Variants in NBEAL1 observed in about 807,000 individuals in gnomAD.
NBEAL1 encodes the protein neurobeachin like 1, also known as neurobeachin-like protein 1.
In NBEAL1, 273 loss-of-function variants were observed where a neutral mutation model predicts 351.3. The observed-to-expected ratio is 0.78, with a 90% CI of 0.70 to 0.86. The LOEUF is 0.86. Ranked by LOEUF, NBEAL1 falls within the 40% of genes least tolerant of loss-of-function variation. The pLI is 0.00. For missense variants in NBEAL1, 2,961 were observed against 3,201.3 expected, an observed-to-expected ratio of 0.92 and a Z score of 1.81; for synonymous variants, 1,050 against 1,086.4, an observed-to-expected ratio of 0.97 and a Z score of 0.66.
At chr2:203,079,655 C>G (rs963734228) in intron 8 of NBEAL1, among the ~76,000 whole-genome samples, 3 of 151,840 alleles carry the variant, frequency 2.0e-5, no homozygotes, top group African/African-American at 7.3e-5. Context: ...ATTGTTGTAC[C>G]AAATTACATA....
chr2:203,178,742 A>G (rs1352362040), intron 42 of NBEAL1, among the ~76,000 whole-genome samples: 1 of 152,240 alleles, frequency 6.6e-6, no homozygotes, highest in Admixed American at 6.5e-5. Context: ...AAATAGGCAT[A>G]GAGATATAAG....
intron 51 of NBEAL1, 50 bp downstream of exon 51, chr2:203,202,831 G>T (rs777311605): frequency 9.9e-7 from 1 of 1,005,310 alleles, no homozygotes; most frequent in East Asian, 2.4e-5. Context: ...TTCACCCTGA[G>T]AATACTAGCA....
At position 203,097,574 on chromosome 2, in the gene NBEAL1, G is replaced by T. The variant is rs1413394942; in HGVS notation, c.1126G>T (p.Ala376Ser). ...KLFLNANNKV[A>S]DKNEKDLANK... is the part of the protein sequence containing the mutation. ...ATTTTTAAATGCTAACAATAAGGTG[G>T]CAGACAAGAACGAGAAAGACCTTGC... The change falls in exon 11 of 56, where the codon GCA becomes TCA. Residue 376 changes from alanine (A) to serine (S), a missense_variant. Transcript: ENST00000683969. 3.2e-5 allele frequency: 32 copies of T among 985,314 alleles called. No homozygotes were observed. Among genetic ancestry groups the T allele is most frequent in the Non-Finnish European group, 3.9e-5 (32 of 829,662 alleles). The allele number at this position is 985,314 out of a possible 1,614,324, so 61.0% of individuals were successfully genotyped here.
At chr2:203,208,612 C>A in intron 51 of NBEAL1, 25 bp from the exon 52 acceptor site, 1 of 1,532,340 alleles carries the variant, frequency 6.5e-7, no homozygotes, top group East Asian at 2.3e-5. Flanking sequence ...CCACCTTTAC[C>A]TTTGCTTTTC....
chr2:203,115,238 C>G (rs1453449693), intron 17 of NBEAL1, among the ~76,000 whole-genome samples: 1 of 151,564 alleles, frequency 6.6e-6, no homozygotes, highest in Non-Finnish European at 1.5e-5. Flanking sequence ...AGCGATTCTC[C>G]ACCTTCCGAG....
chr2:203,093,692 A>G (rs2062117363), intron 10 of NBEAL1, among the ~76,000 whole-genome samples: 1 of 152,106 alleles, frequency 6.6e-6, no homozygotes, highest in Non-Finnish European at 1.5e-5. Flanking sequence ...CGTCTCTACT[A>G]AAAATACAAA....
At chr2:203,053,453 T>C (rs902121586) in intron 4 of NBEAL1, among the ~76,000 whole-genome samples, 3 of 152,212 alleles carry the variant, frequency 2.0e-5, no homozygotes, top group East Asian at 1.9e-4. Flanking sequence ...CATCTTTGAC[T>C]GTTTTGAGAT....
At chr2:203,171,611 A>G (rs986778783) in intron 39 of NBEAL1, among the ~76,000 whole-genome samples, 1 of 152,050 alleles carries the variant, frequency 6.6e-6, no homozygotes, top group Non-Finnish European at 1.5e-5. Flanking sequence ...TCTCTGAAAT[A>G]AATAAATAAA....
chr2:203,209,331 C>G lies in NBEAL1; in HGVS notation c.7785+9C>G. ...AAAAGACCACCCTCAAGGTATATGA[C>G]CTTTCATGCAATAGAGGTAGACTCC... On this transcript the variant is annotated intron_variant, in intron 53 of 55. Transcript: ENST00000683969. 6.2e-7 allele frequency: 1 copy of G among 1,607,750 alleles called. No individual in the cohort carries two copies. Among genetic ancestry groups the G allele is most frequent in the Admixed American group, 1.7e-5 (1 of 59,968 alleles).
intron 16 of NBEAL1, 125 bp from the exon 17 acceptor site, chr2:203,112,889 TG>T (rs2062604187): frequency 2.0e-6 from 2 of 978,798 alleles, no homozygotes; most frequent in Non-Finnish European, 2.8e-6. Context: ...AAAATAAAAC[TG>T]CTTCCACTTT....
intron 11 of NBEAL1, among the ~76,000 whole-genome samples, chr2:203,098,143 T>C (rs1041581189): frequency 6.6e-6 from 1 of 152,200 alleles, no homozygotes; most frequent in Admixed American, 6.5e-5. Flanking sequence ...ATTCTAGAAA[T>C]TCAAGTCTAT....
chr2:203,053,691 A>T (rs960648979), intron 4 of NBEAL1, among the ~76,000 whole-genome samples: 3 of 151,154 alleles, frequency 2.0e-5, no homozygotes, highest in Non-Finnish European at 4.4e-5. Context: ...GATTTTTTTT[A>T]ATTTTTTGTA....
chr2:203,224,199 T>C lies in NBEAL1; in HGVS notation c.*6845T>C, dbSNP rs1188219217. Among the ~76,000 whole-genome samples, 2 of 152,058 alleles carry C rather than the reference T, an allele frequency of 1.3e-5. No individual in the cohort carries two copies. The highest frequency in any genetic ancestry group is 4.8e-5 in the African/African-American group (2 of 41,456). On this transcript the variant is annotated 3_prime_UTR_variant, in exon 56 of 56. Transcript: ENST00000683969. ...TTTTTCCTATTCTGCTTTTTGCTGC[T>C]CTCAAAGACTGTGATTGATGAACAT...
rs545268028 is a variant in NBEAL1, at chr2:203,083,121, A to G, written c.685-98A>G. On this transcript the variant is annotated intron_variant, in intron 8 of 55. Coordinates refer to ENST00000683969, the MANE Select transcript of NBEAL1 (RefSeq NM_001378026.1). ...TACAAATTTTTATGTCTTTATTAAAAGAAAAGGTTGCCTGCAGATGTATTA... is the reference window on the plus strand; with the variant it reads ...TACAAATTTTTATGTCTTTATTAAAGGAAAAGGTTGCCTGCAGATGTATTA... 1.4e-5 allele frequency: 15 copies of G among 1,057,056 alleles called. No individual in the cohort carries two copies. In the Admixed American group the frequency reaches 4.0e-4, roughly 28 times the overall value. 65.5% of individuals were successfully genotyped at this position (1,057,056 alleles called of 1,614,324 possible).
intron 6 of NBEAL1, among the ~76,000 whole-genome samples, chr2:203,064,732 AT>A (rs2061553788): frequency 6.6e-6 from 1 of 152,228 alleles, no homozygotes. Flanking sequence ...ACTGAATGCA[AT>A]ACCTGACCCT....
intron 3 of NBEAL1, among the ~76,000 whole-genome samples, chr2:203,047,983 A>C (rs557516620): frequency 6.6e-6 from 1 of 152,024 alleles, no homozygotes; most frequent in African/African-American, 2.4e-5. Context: ...CTGATTTGGC[A>C]TAGGTTTCAA....
intron 7 of NBEAL1, among the ~76,000 whole-genome samples, chr2:203,074,491 C>A (rs1204424187): frequency 1.3e-5 from 2 of 151,868 alleles, no homozygotes; most frequent in Non-Finnish European, 2.9e-5. Context: ...TCATACCCAG[C>A]TAATTTTTGT....
chr2:203,035,519 C>T (rs1405839902), intron 2 of NBEAL1, among the ~76,000 whole-genome samples: 1 of 149,350 alleles, frequency 6.7e-6, no homozygotes, highest in African/African-American at 2.4e-5. Flanking sequence ...TGGATCATGA[C>T]CAACTTGATG....
At chr2:203,016,063 G>C (rs2060675836) in intron 1 of NBEAL1, 93 bp from the exon 2 acceptor site, 1 of 199,612 alleles carries the variant, frequency 5.0e-6, no homozygotes. Context: ...TTGTTTGTGG[G>C]AAGTGAAGAA....
Sources: gnomAD v4.1 joint callset for allele counts (sites outside exome capture counted in the v4.1 genomes callset) on GRCh38, gnomAD v4.1.1 for gene constraint, MANE v1.5 for transcripts, NCBI Gene and HGNC (gene_info 2026-07-23, HGNC 2026-07-21) for gene names.